Variants in ITPR2 observed in about 807,000 individuals in gnomAD.
ITPR2 encodes inositol 1,4,5-trisphosphate receptor type 2.
A neutral mutation model predicts 317.1 loss-of-function variants in ITPR2; 207 were observed. The ratio of observed to expected loss-of-function variants is 0.65; its 90% confidence interval spans 0.58 to 0.73. The LOEUF (loss-of-function observed/expected upper bound fraction) is 0.73, where lower values mean the gene tolerates loss of function less well. ITPR2 is among the 30% of genes least tolerant of loss of function. The pLI is 0.00. For synonymous variants in ITPR2, 1,156 were observed against 1,149.1 expected, an observed-to-expected ratio of 1.01 and a Z score of -0.12; for missense variants, 2,613 against 3,284.0, an observed-to-expected ratio of 0.80 and a Z score of 4.99.
intron 9 of ITPR2, among the ~76,000 whole-genome samples, chr12:26,707,109 C>T (rs1040325668): frequency 2.6e-5 from 4 of 152,144 alleles, no homozygotes; most frequent in Non-Finnish European, 5.9e-5. Flanking sequence ...GATTGTGCCG[C>T]GCTGTCTTCC....
At position 26,400,252 on chromosome 12, in the gene ITPR2, T is replaced by C; in HGVS notation, c.7406A>G (p.Glu2469Gly). Residue 2469 changes from glutamate (E) to glycine (G), a missense_variant, in exon 53 of 57, where the codon GAA becomes GGA. Physicochemically the swap from Glu to Gly is moderately conservative, Grantham distance 98. Transcript: ENST00000381340. ...PTIPASNTADEEYEDGIERTC... is the reference protein window; with the variant it reads ...PTIPASNTADGEYEDGIERTC... ...CCTTTCAATTCCATCTTCATACTCT[T>C]CATCAGCTATAAAAACACATACAAA... 1 of 1,543,054 alleles carries C rather than the reference T, an allele frequency of 6.5e-7. No individual in the cohort carries two copies. Among genetic ancestry groups the C allele is most frequent in the Non-Finnish European group, 8.8e-7 (1 of 1,138,762 alleles).
chr12:26,622,102 GTC>G (rs1591971348), intron 25 of ITPR2, 136 bp downstream of exon 25: 1 of 636,546 alleles, frequency 1.6e-6, no homozygotes, highest in African/African-American at 1.8e-5. Flanking sequence ...ACAAGGCCAT[GTC>G]TCTGTTTAAA....
At chr12:26,675,053 G>A (rs1313108820) in intron 13 of ITPR2, among the ~76,000 whole-genome samples, 1 of 152,118 alleles carries the variant, frequency 6.6e-6, no homozygotes, top group African/African-American at 2.4e-5. Context: ...AACAACAGGT[G>A]CTGGAGAGGA....
At chr12:26,560,690 C>A (rs1944792578) in intron 35 of ITPR2, among the ~76,000 whole-genome samples, 1 of 152,196 alleles carries the variant, frequency 6.6e-6, no homozygotes, top group Non-Finnish European at 1.5e-5. Context: ...TTTTAGATAA[C>A]CCTATCCTAC....
intron 37 of ITPR2, among the ~76,000 whole-genome samples, chr12:26,532,622 C>T (rs7132529): frequency 0.59 from 89,243 of 151,964 alleles, 29,251 homozygotes; most frequent in Non-Finnish European, 0.76. Flanking sequence ...CGGTAAAAGA[C>T]TTTAAGCATG....
At chr12:26,554,559 A>G (rs1352769253) in intron 36 of ITPR2, among the ~76,000 whole-genome samples, 1 of 152,154 alleles carries the variant, frequency 6.6e-6, no homozygotes, top group East Asian at 1.9e-4. Flanking sequence ...TTTCAGTAAA[A>G]CTTTATTTAC....
rs1315857272 is a variant in ITPR2, at chr12:26,353,669, TA to T, written c.7858-13342del. On this transcript the variant is annotated intron_variant, in intron 55 of 56. Transcript: ENST00000381340. ...TTGTTTCAGTTAATCCACAACTCAA[TA>T]AATTTCTTCCTAAAATGTAAATCAA... Among the ~76,000 whole-genome samples, 4 of 152,352 alleles carry T rather than the reference TA, an allele frequency of 2.6e-5. No homozygotes were observed. The East Asian group carries it at 7.7e-4, about 29-fold the overall frequency.
intron 2 of ITPR2, among the ~76,000 whole-genome samples, chr12:26,782,021 TATATATATATATGTATAGAGAG>T (rs1565759854): frequency 2.4e-4 from 7 of 29,330 alleles, no homozygotes; most frequent in Admixed American, 4.5e-4. Flanking sequence ...TATATATATA[TATATATATATATGTATAGAGAG>T]AGAGAGAGAG....
chr12:26,798,734 T>C (rs573986091), intron 1 of ITPR2, among the ~76,000 whole-genome samples: 1 of 152,348 alleles, frequency 6.6e-6, no homozygotes, highest in African/African-American at 2.4e-5. Context: ...AAATGTCCAG[T>C]TTTCCACCTT....
chr12:26,784,267 C>G (rs1950150176), intron 2 of ITPR2, among the ~76,000 whole-genome samples: 1 of 8,242 alleles, frequency 1.2e-4, no homozygotes, highest in African/African-American at 4.1e-4. Flanking sequence ...CTCCCTCTCC[C>G]TCTCCCTCTC....
intron 37 of ITPR2, among the ~76,000 whole-genome samples, chr12:26,510,011 G>A (rs1331055131): frequency 4.8e-5 from 4 of 83,626 alleles, no homozygotes; most frequent in Non-Finnish European, 7.4e-5. Flanking sequence ...TGTGGTGGGG[G>A]GTGGGGGTGG....
chr12:26,384,621 C>T (rs529409234), intron 55 of ITPR2, among the ~76,000 whole-genome samples: 38 of 152,200 alleles, frequency 2.5e-4, no homozygotes, highest in African/African-American at 9.2e-4. Context: ...ATGTTAAGGC[C>T]AGAGATGGGT....
chr12:26,639,787 A>C (rs1946943588), intron 21 of ITPR2, among the ~76,000 whole-genome samples: 1 of 152,030 alleles, frequency 6.6e-6, no homozygotes, highest in Non-Finnish European at 1.5e-5. Context: ...ATGTCCCTAC[A>C]AAGGACATGA....
At chr12:26,723,579 A>C (rs1948871144) in intron 4 of ITPR2, among the ~76,000 whole-genome samples, 1 of 152,168 alleles carries the variant, frequency 6.6e-6, no homozygotes, top group African/African-American at 2.4e-5. Context: ...ATTATCCATC[A>C]TTCGATTAAG....
At chr12:26,589,794 AAAATAAATAAAT>A (rs1945637654) in intron 32 of ITPR2, among the ~76,000 whole-genome samples, 3 of 52,054 alleles carry the variant, frequency 5.8e-5, no homozygotes, top group African/African-American at 1.6e-4. Flanking sequence ...TTCAAAAAAA[AAAATAAATAAAT>A]AAAAAATAAA....
At chr12:26,580,793 G>A (rs1226886053) in intron 32 of ITPR2, among the ~76,000 whole-genome samples, 1 of 152,178 alleles carries the variant, frequency 6.6e-6, no homozygotes, top group East Asian at 1.9e-4. Flanking sequence ...CCAGAAAAGA[G>A]CATCCCTGGC....
At chr12:26,457,571 G>A (rs537718959) in intron 45 of ITPR2, among the ~76,000 whole-genome samples, 1 of 152,248 alleles carries the variant, frequency 6.6e-6, no homozygotes, top group Non-Finnish European at 1.5e-5. Context: ...AGCACGAAGA[G>A]TCAGAAGCCT....
In ITPR2 at chr12:26,374,489, C is replaced by T. The variant is rs1011600010; in HGVS notation, c.7857+12945G>A. ...CTATAAAAGAAACACTATGTAGAAT[C>T]AGTGAAGACTTTGAACATTGAATGG... On this transcript the variant is annotated intron_variant, in intron 55 of 56. Coordinates refer to ENST00000381340, the MANE Select transcript of ITPR2 (RefSeq NM_002223.4). 3.9e-5 allele frequency among the ~76,000 whole-genome samples: 6 copies of T among 152,308 alleles called. No homozygotes were observed. The East Asian group carries it at 9.6e-4, about 24-fold the overall frequency.
rs754460674 is a variant in ITPR2, at chr12:26,443,601, T to A, written c.6392A>T (p.Asp2131Val). 1 of 1,613,140 alleles carries A rather than the reference T, an allele frequency of 6.2e-7. No individual in the cohort carries two copies. Among genetic ancestry groups the A allele is most frequent in the South Asian group, 1.1e-5 (1 of 91,058 alleles). ...LLQQMLKPGS[D>V]PDEGDEALKY... ...TAAGGCTTCATCTCCTTCATCTGGA[T>A]CCGATCCTGGTTTGAGCATCTGCTG... The change falls in exon 46 of 57, where the codon GAT (aspartate) becomes GTT (valine). Residue 2131 changes from aspartate to valine, a missense_variant. By Grantham distance (152) the Asp-to-Val change is radical. This residue lies in a region of ITPR2 where 926 missense variants were observed against 1,072.8 expected (regional missense o/e 0.86). Transcript: ENST00000381340.
Sources: gnomAD v4.1 joint callset for allele counts (sites outside exome capture counted in the v4.1 genomes callset) on GRCh38, gnomAD v4.1.1 for gene constraint, gnomAD v4.1.1 regional missense constraint, MANE v1.5 for transcripts, NCBI Gene and HGNC (gene_info 2026-07-23, HGNC 2026-07-21) for gene names.